The following MAST2 variants were observed in gnomAD, a reference collection of about 807,000 sequenced individuals.
MAST2 encodes the protein microtubule associated serine/threonine kinase 2.
A neutral mutation model predicts 147.4 loss-of-function variants in MAST2; 70 were observed. That is an observed-to-expected ratio of 0.47 (90% CI 0.39 to 0.58). The LOEUF (loss-of-function observed/expected upper bound fraction) is 0.58. Among genes scored for constraint, MAST2 ranks in the 20% least tolerant of loss-of-function variants. MAST2 has a pLI of 0.00. For missense variants in MAST2, 2,080 were observed against 2,302.3 expected, an observed-to-expected ratio of 0.90 and a Z score of 1.98; for synonymous variants, 869 against 896.8, an observed-to-expected ratio of 0.97 and a Z score of 0.55.
chr1:46,035,531 A>AC lies in MAST2; in HGVS notation c.4864dup (p.Leu1622ProfsTer42), dbSNP rs767519566. 6 of 1,612,986 alleles carry AC rather than the reference A, an allele frequency of 3.7e-6. No individual in the cohort carries two copies. The highest frequency in any genetic ancestry group is 8.5e-7 in the Non-Finnish European group (1 of 1,179,942). On this transcript the variant is annotated frameshift_variant, in exon 29 of 29. Coordinates refer to ENST00000361297, the MANE Select transcript of MAST2 (RefSeq NM_015112.3). LOFTEE classifies it low-confidence loss of function (END_TRUNC). This position sits in a 1 kb window ranked among gnomAD's most constrained non-coding sequence, Gnocchi z 5.5. ...CCTGAAGGTTGCTGGAAGGCCCAGC[A>AC]CCTCCACACCCAGGCACTAACAGCA...
At chr1:45,994,861 CAG>C (rs1401729075) in intron 5 of MAST2, among the ~76,000 whole-genome samples, 1 of 147,292 alleles carries the variant, frequency 6.8e-6, no homozygotes, top group Non-Finnish European at 1.5e-5. Flanking sequence ...TTTTTTGAGA[CAG>C]AGTCTCGCTT....
chr1:45,995,955 G>T (rs796712819), intron 5 of MAST2, among the ~76,000 whole-genome samples: 33 of 152,174 alleles, frequency 2.2e-4, no homozygotes, highest in African/African-American at 7.2e-4. Context: ...TGGGTATATG[G>T]TTTTTATCAA....
At chr1:45,892,852 C>T (rs1242526827) in intron 4 of MAST2, among the ~76,000 whole-genome samples, 1 of 152,046 alleles carries the variant, frequency 6.6e-6, no homozygotes, top group African/African-American at 2.4e-5. Context: ...TAAGGCCAGT[C>T]CAAAAACTTA....
At chr1:45,864,587 G>A (rs2148098268) in intron 3 of MAST2, among the ~76,000 whole-genome samples, 1 of 152,302 alleles carries the variant, frequency 6.6e-6, no homozygotes, top group Admixed American at 6.5e-5. Flanking sequence ...ACAGGCATCA[G>A]AATCGTATGT....
chr1:46,006,603 A>G (rs993981601), intron 8 of MAST2: 1 of 383,772 alleles, frequency 2.6e-6, no homozygotes, highest in African/African-American at 2.1e-5. Context: ...TACAAAAGAA[A>G]AAAAAAAAGT....
chr1:46,035,294 G>A lies in MAST2; in HGVS notation c.4625G>A (p.Gly1542Glu), dbSNP rs778959679. 1.2e-6 allele frequency: 2 copies of A among 1,613,968 alleles called. No homozygotes were observed. Among genetic ancestry groups the A allele is most frequent in the Admixed American group, 1.7e-5 (1 of 60,014 alleles). ...GCCCCTAAAGGAGCAGGAGAGAGTG[G>A]GGAAGAGGATCCTTTCCCGTCCAGA... ...SVAPKGAGESGEEDPFPSRDP... is the reference protein window; with the variant it reads ...SVAPKGAGESEEEDPFPSRDP... The change falls in exon 29 of 29, where the codon GGG becomes GAG. Residue 1542 changes from glycine to glutamate, a missense_variant. This residue lies in a region of MAST2 where 1,278 missense variants were observed against 1,304.2 expected (regional missense o/e 0.98). Transcript: ENST00000361297. The surrounding 1 kb of genome is among the most constrained non-coding windows in gnomAD (Gnocchi z 5.5).
At chr1:45,997,292 T>A (rs1283008252) in intron 5 of MAST2, among the ~76,000 whole-genome samples, 1 of 152,208 alleles carries the variant, frequency 6.6e-6, no homozygotes, top group Non-Finnish European at 1.5e-5. Flanking sequence ...GTTTAGCCCT[T>A]GGATACAGTG....
chr1:45,997,915 G>A (rs1034421138), intron 6 of MAST2, 116 bp downstream of exon 6: 3 of 857,278 alleles, frequency 3.5e-6, no homozygotes, highest in Non-Finnish European at 5.8e-6. Flanking sequence ...ATTACCTGAA[G>A]CTCCCATCCA....
rs375549544 is a variant in MAST2 at position 45,922,792 on chromosome 1, C to T, written c.501-36594C>T. Among the ~76,000 whole-genome samples the T allele has an allele frequency of 3.9e-5, 6 of 152,272 alleles. No individual in the cohort carries two copies. In the East Asian group the frequency reaches 7.7e-4, roughly 20 times the overall value. On this transcript the variant is annotated intron_variant, in intron 4 of 28. Transcript: ENST00000361297. Reference sequence around the variant, plus strand: ...GCTCCCACTTTTCCCTGGCTCCCACCGACTCTGTAGAGCATGCAGCCCCAG... The same window carrying T: ...GCTCCCACTTTTCCCTGGCTCCCACTGACTCTGTAGAGCATGCAGCCCCAG...
At chr1:45,857,011 G>T (rs1396539828) in intron 3 of MAST2, among the ~76,000 whole-genome samples, 2 of 152,040 alleles carry the variant, frequency 1.3e-5, no homozygotes, top group South Asian at 2.1e-4. Context: ...CGTCAAATTT[G>T]CATGAAAATA....
At chr1:45,959,281 T>G (rs1175734766) in intron 4 of MAST2, 105 bp from the exon 5 acceptor site, 2 of 766,978 alleles carry the variant, frequency 2.6e-6, no homozygotes, top group Non-Finnish European at 4.5e-6. Context: ...AAGTATACTG[T>G]GCGGCCCGTG....
rs535391233 is a variant in MAST2 at position 45,839,487 on chromosome 1, G to A, written c.468+9906G>A. On this transcript the variant is annotated intron_variant, in intron 3 of 28. Coordinates refer to ENST00000361297, the MANE Select transcript of MAST2 (RefSeq NM_015112.3). Reference sequence around the variant, plus strand: ...GGGGTTTCGCCATGTTGCCCAGGCTGGTCTTGGACTCCTGTACTCAAGCAA... The same window carrying A: ...GGGGTTTCGCCATGTTGCCCAGGCTAGTCTTGGACTCCTGTACTCAAGCAA... Among the ~76,000 whole-genome samples, 10 of 152,152 alleles carry A rather than the reference G, an allele frequency of 6.6e-5. No homozygotes were observed. In the South Asian group the frequency reaches 2.1e-3, roughly 32 times the overall value.
intron 2 of MAST2, among the ~76,000 whole-genome samples, chr1:45,827,363 C>A (rs1308626044): frequency 1.3e-5 from 2 of 151,918 alleles, no homozygotes; most frequent in African/African-American, 4.8e-5. Context: ...ATTTATTTTC[C>A]TCAAGTTCTT....
rs914887147 is a variant in MAST2 at position 45,895,223 on chromosome 1, A to G, written c.500+12828A>G. Among the ~76,000 whole-genome samples the G allele has an allele frequency of 1.1e-4, 17 of 152,218 alleles. 1 individual carries two copies. Among genetic ancestry groups the G allele is most frequent in the South Asian group, 6.2e-4 (3 of 4,826 alleles). ...TGTTTCAGTGTTTCCTTTTGTGACT[A>G]TACCACTATTTGATGGATATTTGGG... On this transcript the variant is annotated intron_variant, in intron 4 of 28. Transcript: ENST00000361297.
At chr1:45,923,502 A>C (rs1653872384) in intron 4 of MAST2, among the ~76,000 whole-genome samples, 1 of 152,192 alleles carries the variant, frequency 6.6e-6, no homozygotes, top group Non-Finnish European at 1.5e-5. Flanking sequence ...TTTGCTTCTC[A>C]CACCAGTTCT....
intron 1 of MAST2, among the ~76,000 whole-genome samples, chr1:45,813,299 C>A (rs934617548): frequency 6.6e-6 from 1 of 151,966 alleles, no homozygotes; most frequent in Non-Finnish European, 1.5e-5. Context: ...GGATGACATA[C>A]AAGATGGGGG....
chr1:45,938,263 G>A (rs1418981809), intron 4 of MAST2, among the ~76,000 whole-genome samples: 1 of 152,122 alleles, frequency 6.6e-6, no homozygotes, highest in Non-Finnish European at 1.5e-5. Context: ...ATCTTTGTGT[G>A]GACATATGTT....
intron 6 of MAST2, among the ~76,000 whole-genome samples, chr1:46,002,220 C>T (rs1049898636): frequency 3.3e-5 from 5 of 152,132 alleles, no homozygotes; most frequent in Non-Finnish European, 4.4e-5. Flanking sequence ...GGTATGTCAC[C>T]TCCCTTCTCT....
At chr1:45,929,209 CATT>C (rs1439132821) in intron 4 of MAST2, among the ~76,000 whole-genome samples, 1 of 152,190 alleles carries the variant, frequency 6.6e-6, no homozygotes, top group South Asian at 2.1e-4. Context: ...ATTTTCTCCT[CATT>C]ATCTGTTTTT....
Sources: allele counts gnomAD v4.1 joint callset (sites outside exome capture counted in the v4.1 genomes callset), GRCh38; gene constraint gnomAD v4.1.1; regional missense constraint gnomAD v4.1.1; non-coding constraint Gnocchi (gnomAD v3.1); transcripts MANE v1.5; gene names NCBI Gene and HGNC (gene_info 2026-07-23, HGNC 2026-07-21).